The following RBMS3 variants were observed in gnomAD, a reference collection of about 807,000 sequenced individuals.
The protein encoded by RBMS3 is RNA binding motif single stranded interacting protein 3.
In RBMS3, 27 loss-of-function variants were observed where a neutral mutation model predicts 66.8. That is an observed-to-expected ratio of 0.40 (90% CI 0.30 to 0.56). RBMS3 has a LOEUF of 0.56. RBMS3 is among the 20% of genes least tolerant of loss of function. The pLI, the probability that RBMS3 is intolerant of heterozygous loss-of-function variation, is 0.40. For synonymous variants in RBMS3, 188 were observed against 183.0 expected, an observed-to-expected ratio of 1.03 and a Z score of -0.22; for missense variants, 513 against 549.5, an observed-to-expected ratio of 0.93 and a Z score of 0.66.
At chr3:29,435,819 A>G (rs946526401) in intron 2 of RBMS3, among the ~76,000 whole-genome samples, 1 of 151,812 alleles carries the variant, frequency 6.6e-6, no homozygotes, top group African/African-American at 2.4e-5. Context: ...CTGAAAATAC[A>G]AAAAAATTAG....
At chr3:29,500,461 T>A (rs1393436992) in intron 3 of RBMS3, among the ~76,000 whole-genome samples, 1 of 149,954 alleles carries the variant, frequency 6.7e-6, no homozygotes, top group Non-Finnish European at 1.5e-5. Context: ...TATTTACATA[T>A]TTATTCTACA....
chr3:29,446,235 T>A (rs2041826717), intron 2 of RBMS3, among the ~76,000 whole-genome samples: 1 of 152,172 alleles, frequency 6.6e-6, no homozygotes, highest in South Asian at 2.1e-4. Flanking sequence ...GGCTTAATAG[T>A]TCCAGGTACA....
chr3:29,584,136 A>G (rs1367420481), intron 3 of RBMS3, among the ~76,000 whole-genome samples: 2 of 152,104 alleles, frequency 1.3e-5, no homozygotes, highest in Non-Finnish European at 2.9e-5. Flanking sequence ...TAGTGACATC[A>G]TGTTTCTAAA....
intron 2 of RBMS3, among the ~76,000 whole-genome samples, chr3:29,457,829 T>A (rs2042245892): frequency 1.2e-5 from 1 of 86,412 alleles, no homozygotes; most frequent in East Asian, 3.3e-4. Flanking sequence ...AATTTGCACT[T>A]TTTTTTTTTT....
At chr3:29,327,497 T>C (rs2035410645) in intron 1 of RBMS3, among the ~76,000 whole-genome samples, 1 of 152,208 alleles carries the variant, frequency 6.6e-6, no homozygotes, top group Admixed American at 6.5e-5. Context: ...CTTCCTCCTT[T>C]TCCTCCTCCT....
chr3:29,955,867 A>T (rs1200986722), intron 12 of RBMS3, among the ~76,000 whole-genome samples: 1 of 152,026 alleles, frequency 6.6e-6, no homozygotes, highest in Non-Finnish European at 1.5e-5. Context: ...TTATTTAATT[A>T]GCCTGTTTGC....
chr3:29,386,442 C>T (rs188931082), intron 1 of RBMS3, among the ~76,000 whole-genome samples: 1 of 152,124 alleles, frequency 6.6e-6, no homozygotes, highest in Non-Finnish European at 1.5e-5. Context: ...CCTCCCAACC[C>T]TTCCATACTA....
intron 3 of RBMS3, among the ~76,000 whole-genome samples, chr3:29,497,747 G>C (rs2043808272): frequency 6.6e-6 from 1 of 151,834 alleles, no homozygotes; most frequent in South Asian, 2.1e-4. Context: ...AAACTCCCTG[G>C]GACCCAGGTA....
intron 1 of RBMS3, among the ~76,000 whole-genome samples, chr3:29,401,652 A>G (rs1449930417): frequency 6.6e-6 from 1 of 152,126 alleles, no homozygotes; most frequent in African/African-American, 2.4e-5. Context: ...GCATGGGCAT[A>G]TAGAATGACA....
At chr3:29,974,818 A>T (rs1490450471) in intron 12 of RBMS3, among the ~76,000 whole-genome samples, 3 of 117,778 alleles carry the variant, frequency 2.5e-5, no homozygotes, top group Admixed American at 9.2e-5. Context: ...TATTTTATAT[A>T]TAAAATACGT....
At chr3:29,760,804 A>G (rs938613873) in intron 5 of RBMS3, among the ~76,000 whole-genome samples, 1 of 152,172 alleles carries the variant, frequency 6.6e-6, no homozygotes, top group Non-Finnish European at 1.5e-5. Context: ...TCTTATCCAA[A>G]CATCTTCTGA....
chr3:29,373,951 C>A (rs2038337181), intron 1 of RBMS3, among the ~76,000 whole-genome samples: 1 of 152,136 alleles, frequency 6.6e-6, no homozygotes, highest in Non-Finnish European at 1.5e-5. Flanking sequence ...AAAAATTCTG[C>A]TGGTGGATGG....
At chr3:29,712,838 C>T (rs1024927760) in intron 4 of RBMS3, among the ~76,000 whole-genome samples, 5 of 152,162 alleles carry the variant, frequency 3.3e-5, no homozygotes, top group Non-Finnish European at 7.3e-5. Context: ...ACTAGGTTCT[C>T]AGGCCTTTGG....
chr3:29,307,074 C>T (rs2034062653), intron 1 of RBMS3, among the ~76,000 whole-genome samples: 2 of 151,830 alleles, frequency 1.3e-5, no homozygotes, highest in African/African-American at 4.8e-5. Flanking sequence ...AATTTATTGA[C>T]CTTGTTTAAA....
rs182576528 is a variant in RBMS3, at chr3:29,720,288, A to G, written c.400-19432A>G. Among the ~76,000 whole-genome samples the G allele has an allele frequency of 3.3e-5, 5 of 152,322 alleles. No homozygotes were observed. The East Asian group carries it at 5.8e-4, about 18-fold the overall frequency. On this transcript the variant is annotated intron_variant, in intron 4 of 14. Coordinates refer to ENST00000383767, the MANE Select transcript of RBMS3 (RefSeq NM_001003793.3). ...ATCCTTTTTCTATGTAAATTGTATCATATGTAGCCATTGTAAGCATTTTCT... is the reference window on the plus strand; with the variant it reads ...ATCCTTTTTCTATGTAAATTGTATCGTATGTAGCCATTGTAAGCATTTTCT...
chr3:29,977,133 T>G (rs1366070844), intron 12 of RBMS3, among the ~76,000 whole-genome samples: 2 of 152,102 alleles, frequency 1.3e-5, no homozygotes, highest in Non-Finnish European at 2.9e-5. Flanking sequence ...AAACTCTCCT[T>G]TCTGAAATTC....
intron 1 of RBMS3, among the ~76,000 whole-genome samples, chr3:29,422,686 A>G (rs148228791): frequency 6.6e-6 from 1 of 152,238 alleles, no homozygotes; most frequent in East Asian, 1.9e-4. Context: ...ACATTAATTT[A>G]TTCTCATAGT....
chr3:29,545,698 CT>C (rs569450606), intron 3 of RBMS3, among the ~76,000 whole-genome samples: 7 of 151,930 alleles, frequency 4.6e-5, no homozygotes, highest in Non-Finnish European at 8.8e-5. Flanking sequence ...GCCTTCTTGT[CT>C]TTTTTTTGTT....
At chr3:29,370,140 T>C (rs1225390055) in intron 1 of RBMS3, among the ~76,000 whole-genome samples, 1 of 152,216 alleles carries the variant, frequency 6.6e-6, no homozygotes, top group Non-Finnish European at 1.5e-5. Flanking sequence ...TGTAAAGAAT[T>C]TGAACAACCA....
Sources: gnomAD v4.1 joint callset for allele counts (sites outside exome capture counted in the v4.1 genomes callset) on GRCh38, gnomAD v4.1.1 for gene constraint, MANE v1.5 for transcripts, NCBI Gene and HGNC (gene_info 2026-07-23, HGNC 2026-07-21) for gene names.